The following MAGI1 variants were observed in gnomAD, a reference collection of about 807,000 sequenced individuals.
The protein encoded by MAGI1 is membrane associated guanylate kinase, WW and PDZ domain containing 1, also known as membrane-associated guanylate kinase, WW and PDZ domain-containing protein 1.
MAGI1 carries 58 observed loss-of-function variants against 139.9 expected under a neutral mutation model. That is an observed-to-expected ratio of 0.41 (90% CI 0.34 to 0.52). The LOEUF (loss-of-function observed/expected upper bound fraction) is 0.52. MAGI1 is among the 20% of genes least tolerant of loss of function. The probability of loss-of-function intolerance (pLI) is 0.12; values close to 1 mark genes in which losing one functional copy is unlikely to be tolerated. For synonymous variants in MAGI1, 812 were observed against 737.9 expected (o/e 1.10, Z -1.63); for missense variants, 1,874 against 1,901.6 (o/e 0.99, Z 0.27).
Position 65,648,290 on chromosome 3 carries a change from CGTGTGT to C in MAGI1, c.314-26208_314-26203del, listed in dbSNP as rs35122002. On this transcript the variant is annotated intron_variant, in intron 1 of 22. Transcript: ENST00000402939. ...TTCCAGAGAAGCTAGTACTACAGGCCGTGTGTGTGTGTGTGTGTGTGTGTGTGCGCG... is the reference window on the plus strand; with the variant it reads ...TTCCAGAGAAGCTAGTACTACAGGCCGTGTGTGTGTGTGTGTGTGTGCGCG... Among the ~76,000 whole-genome samples the C allele has an allele frequency of 3.3e-4, 48 of 146,786 alleles. No individual in the cohort carries two copies. In the South Asian group the frequency reaches 3.6e-3, roughly 11 times the overall value.
At chr3:65,928,409 A>C (rs2106692666) in intron 1 of MAGI1, among the ~76,000 whole-genome samples, 1 of 152,314 alleles carries the variant, frequency 6.6e-6, no homozygotes, top group South Asian at 2.1e-4. Flanking sequence ...ACTTAAAGAA[A>C]GTTTTTCAGA....
intron 10 of MAGI1, among the ~76,000 whole-genome samples, chr3:65,432,913 A>T (rs573179705): frequency 6.6e-6 from 1 of 152,278 alleles, no homozygotes; most frequent in African/African-American, 2.4e-5. Flanking sequence ...CCACCTTACT[A>T]AAAATTGCAG....
rs567389691 is a variant in MAGI1, at chr3:65,440,418, C to T, written c.1137-406G>A. Among the ~76,000 whole-genome samples the T allele has an allele frequency of 7.9e-5, 12 of 152,166 alleles. No homozygotes were observed. In the South Asian group the frequency reaches 1.0e-3, roughly 13 times the overall value. ...AAATCCCAGGATTTTAACCACTGAC[C>T]CCACTCCAAATGTCCAAGATACCAC... On this transcript the variant is annotated intron_variant, in intron 8 of 22. Coordinates refer to ENST00000402939, the MANE Select transcript of MAGI1 (RefSeq NM_001033057.2).
intron 1 of MAGI1, among the ~76,000 whole-genome samples, chr3:65,964,391 G>A (rs2064627942): frequency 6.6e-6 from 1 of 152,040 alleles, no homozygotes; most frequent in Non-Finnish European, 1.5e-5. Context: ...CTCCAAACAG[G>A]GACTTATATC....
At chr3:65,722,180 T>C (rs963342033) in intron 1 of MAGI1, among the ~76,000 whole-genome samples, 1 of 152,156 alleles carries the variant, frequency 6.6e-6, no homozygotes, top group Non-Finnish European at 1.5e-5. Flanking sequence ...TATTTCTACT[T>C]TGAATATCAG....
chr3:65,470,137 T>A (rs989004577), intron 5 of MAGI1, 146 bp downstream of exon 5: 3 of 593,936 alleles, frequency 5.1e-6, no homozygotes, highest in African/African-American at 1.9e-5. Flanking sequence ...TACCTTTTTA[T>A]GCAAAACTTA....
At chr3:65,462,658 G>C (rs2107542873) in intron 5 of MAGI1, among the ~76,000 whole-genome samples, 1 of 152,330 alleles carries the variant, frequency 6.6e-6, no homozygotes, top group East Asian at 1.9e-4. Context: ...TGTGAAGAAA[G>C]TCAATGGTAG....
intron 17 of MAGI1, among the ~76,000 whole-genome samples, chr3:65,377,358 ACAG>A (rs1942634923): frequency 6.6e-6 from 1 of 152,268 alleles, no homozygotes; most frequent in South Asian, 2.1e-4. Context: ...AAGGTATCGA[ACAG>A]CAGGTCTGAG....
chr3:65,422,690 A>G (rs1946713840), intron 12 of MAGI1, among the ~76,000 whole-genome samples: 1 of 152,128 alleles, frequency 6.6e-6, no homozygotes, highest in African/African-American at 2.4e-5. Context: ...AAAGATCACG[A>G]GAACAGACAG....
intron 1 of MAGI1, among the ~76,000 whole-genome samples, chr3:65,794,430 C>T (rs1056223900): frequency 4.6e-5 from 7 of 152,182 alleles, no homozygotes; most frequent in African/African-American, 1.7e-4. Context: ...GTGACTAAGA[C>T]TGCGCCCAGC....
intron 1 of MAGI1, among the ~76,000 whole-genome samples, chr3:65,731,799 G>A (rs772504536): frequency 2.0e-5 from 3 of 152,000 alleles, no homozygotes; most frequent in Admixed American, 6.6e-5. Context: ...CCCAGGATTC[G>A]AAGACTGATA....
intron 1 of MAGI1, among the ~76,000 whole-genome samples, chr3:65,914,755 T>C (rs1256129640): frequency 6.6e-6 from 1 of 152,188 alleles, no homozygotes; most frequent in Non-Finnish European, 1.5e-5. Context: ...AATTTGCTTA[T>C]GGTGGATGGA....
chr3:65,385,697 TG>T (rs1193932144), intron 14 of MAGI1, among the ~76,000 whole-genome samples: 1 of 152,194 alleles, frequency 6.6e-6, no homozygotes, highest in African/African-American at 2.4e-5. Context: ...GGGCTGTAAA[TG>T]GGTGCTTTCT....
intron 1 of MAGI1, among the ~76,000 whole-genome samples, chr3:65,655,239 G>A (rs900269983): frequency 6.6e-6 from 1 of 152,058 alleles, no homozygotes; most frequent in Non-Finnish European, 1.5e-5. Flanking sequence ...AGAAAAAACA[G>A]TGTCTCACCA....
chr3:65,537,907 T>TA (rs199772624), intron 2 of MAGI1, among the ~76,000 whole-genome samples: 2,692 of 152,074 alleles, frequency 0.018, 88 homozygotes, highest in African/African-American at 0.062. Context: ...CACCTGAGGA[T>TA]AGGAGTTCAA....
chr3:65,747,508 G>T (rs1432204085), intron 1 of MAGI1, among the ~76,000 whole-genome samples: 1 of 138,268 alleles, frequency 7.2e-6, no homozygotes, highest in African/African-American at 2.4e-5. Flanking sequence ...GGATATTATT[G>T]TAATTTTTTT....
intron 12 of MAGI1, 177 bp from the exon 13 acceptor site, chr3:65,401,647 G>A (rs756044219): frequency 5.2e-6 from 8 of 1,549,038 alleles, no homozygotes; most frequent in Middle Eastern, 1.7e-4. Flanking sequence ...TCAAAGCAGA[G>A]GGAGGAGGAG....
intron 1 of MAGI1, among the ~76,000 whole-genome samples, chr3:65,683,097 ATGCT>A (rs1470003841): frequency 6.6e-6 from 1 of 152,018 alleles, no homozygotes; most frequent in African/African-American, 2.4e-5. Flanking sequence ...TCAGGGAGTA[ATGCT>A]TGCTTGCTGC....
chr3:65,944,481 G>A (rs2063464292), intron 1 of MAGI1, among the ~76,000 whole-genome samples: 1 of 151,848 alleles, frequency 6.6e-6, no homozygotes, highest in Non-Finnish European at 1.5e-5. Context: ...TCATAGCACT[G>A]CACTCCAGCC....
Sources: gnomAD v4.1 joint callset for allele counts (sites outside exome capture counted in the v4.1 genomes callset) on GRCh38, gnomAD v4.1.1 for gene constraint, MANE v1.5 for transcripts, NCBI Gene and HGNC (gene_info 2026-07-23, HGNC 2026-07-21) for gene names.